BRAF: variants seen among roughly 807,000 people sequenced by gnomAD.
BRAF encodes the protein B-Raf proto-oncogene, serine/threonine kinase.
A neutral mutation model predicts 104.6 loss-of-function variants in BRAF; 16 were observed. That is an observed-to-expected ratio of 0.15 (90% CI 0.10 to 0.23). The LOEUF (loss-of-function observed/expected upper bound fraction) is 0.23. Among genes scored for constraint, BRAF ranks in the 10% least tolerant of loss-of-function variants. BRAF has a pLI of 1.00. For missense variants in BRAF, 541 were observed against 937.3 expected (o/e 0.58, Z 5.52); for synonymous variants, 310 against 341.6 (o/e 0.91, Z 1.02).
chr7:140,815,246 T>A (rs1377815349), intron 3 of BRAF, among the ~76,000 whole-genome samples: 2 of 151,786 alleles, frequency 1.3e-5, no homozygotes, highest in Non-Finnish European at 2.9e-5. Flanking sequence ...CACGCCATTC[T>A]CCTGCCTCAG....
chr7:140,740,943 C>A (rs1796867314), intron 17 of BRAF: 1 of 152,160 alleles, frequency 6.6e-6, no homozygotes. Context: ...ACTGAAGCTA[C>A]ACCATCATAA....
chr7:140,794,615 G>T, intron 7 of BRAF, 148 bp from the exon 8 acceptor site: 1 of 991,054 alleles, frequency 1.0e-6, no homozygotes, highest in Non-Finnish European at 1.5e-6. Flanking sequence ...ACTTTTAAAA[G>T]TATTAATTTA....
At chr7:140,857,220 A>T (rs546758764) in intron 1 of BRAF, among the ~76,000 whole-genome samples, 8 of 152,358 alleles carry the variant, frequency 5.3e-5, no homozygotes, top group African/African-American at 1.9e-4. Context: ...CTCAGCAGAG[A>T]AAGATCTGAA....
intron 1 of BRAF, among the ~76,000 whole-genome samples, chr7:140,893,307 T>C (rs1814485591): frequency 6.6e-6 from 1 of 151,522 alleles, no homozygotes; most frequent in Non-Finnish European, 1.5e-5. Flanking sequence ...TGGAGTGCAG[T>C]GGCGCGATCT....
chr7:140,734,019 A>G (rs1345895436), intron 19 of BRAF: 2 of 1,037,346 alleles, frequency 1.9e-6, no homozygotes, highest in Admixed American at 1.1e-4. Flanking sequence ...AAATTTATAA[A>G]AAGAAACTTA....
At chr7:140,896,687 G>C (rs1814942908) in intron 1 of BRAF, among the ~76,000 whole-genome samples, 1 of 152,080 alleles carries the variant, frequency 6.6e-6, no homozygotes, top group Non-Finnish European at 1.5e-5. Flanking sequence ...CCAATATGGT[G>C]AAACTCCGTC....
At chr7:140,857,602 A>G (rs1326467060) in intron 1 of BRAF, among the ~76,000 whole-genome samples, 1 of 152,210 alleles carries the variant, frequency 6.6e-6, no homozygotes, top group Non-Finnish European at 1.5e-5. Flanking sequence ...TTAGGTCTTA[A>G]CAAAATAAGC....
At chr7:140,754,013 A>T in intron 15 of BRAF, 174 bp downstream of exon 14, 1 of 674,016 alleles carries the variant, frequency 1.5e-6, no homozygotes, top group Middle Eastern at 3.4e-4. Flanking sequence ...CGAGAAACCA[A>T]AAGCAGGCTG....
intron 3 of BRAF, among the ~76,000 whole-genome samples, chr7:140,827,863 C>CAATA (rs1423929753): frequency 2.6e-5 from 4 of 152,138 alleles, no homozygotes; most frequent in Non-Finnish European, 5.9e-5. Context: ...TGTTGTGTTC[C>CAATA]AATAACATTT....
At chr7:140,814,823 T>C (rs1043454838) in intron 3 of BRAF, among the ~76,000 whole-genome samples, 1 of 146,168 alleles carries the variant, frequency 6.8e-6, no homozygotes, top group Non-Finnish European at 1.5e-5. Flanking sequence ...ATATATAATT[T>C]ATATATATTA....
At chr7:140,841,265 C>G (rs945634451) in intron 2 of BRAF, among the ~76,000 whole-genome samples, 6 of 152,088 alleles carry the variant, frequency 3.9e-5, no homozygotes, top group Non-Finnish European at 5.9e-5. Context: ...TGGAGAGAAA[C>G]TGTAACCCTC....
Position 140,903,369 on chromosome 7 carries a change from C to G in BRAF, c.138+21197G>C, listed in dbSNP as rs377498385. ...GTGCTCTGTAAATGGAACAATGAAG[C>G]CTGGATGACAGCATATTCTTTTACA... On this transcript the variant is annotated intron_variant, in intron 1 of 19. Coordinates refer to ENST00000644969, the MANE Select transcript of BRAF (RefSeq NM_001374258.1). Among the ~76,000 whole-genome samples, 246 of 152,244 alleles carry G rather than the reference C, an allele frequency of 1.6e-3. 7 individuals are homozygous for G. The South Asian group carries it at 0.04, about 25-fold the overall frequency.
intron 17 of BRAF, among the ~76,000 whole-genome samples, chr7:140,742,112 T>C (rs749758996): frequency 2.6e-5 from 4 of 152,204 alleles, no homozygotes; most frequent in Non-Finnish European, 5.9e-5. Flanking sequence ...CATAGGTCTA[T>C]AGTCTTTAAA....
intron 17 of BRAF, chr7:140,748,963 A>T: frequency 3.6e-6 from 1 of 278,946 alleles, no homozygotes; most frequent in Non-Finnish European, 6.9e-6. Context: ...TGATACAGTG[A>T]AAAGTATAAT....
chr7:140,862,152 T>C (rs1252942827), intron 1 of BRAF, among the ~76,000 whole-genome samples: 1 of 152,028 alleles, frequency 6.6e-6, no homozygotes, highest in Non-Finnish European at 1.5e-5. Flanking sequence ...GAATATCCAA[T>C]GGGAGGAAAG....
chr7:140,762,132 C>T (rs957144550), intron 14 of BRAF, among the ~76,000 whole-genome samples: 1 of 152,120 alleles, frequency 6.6e-6, no homozygotes, highest in South Asian at 2.1e-4. Flanking sequence ...TGACCACATA[C>T]TTGGAAGTAA....
intron 3 of BRAF, among the ~76,000 whole-genome samples, chr7:140,822,177 A>G (rs999945490): frequency 1.3e-5 from 2 of 152,178 alleles, no homozygotes; most frequent in South Asian, 4.1e-4. Context: ...TGAAAAAAAA[A>G]TTTTAATAAT....
At chr7:140,833,965 A>C (rs1807057673) in intron 3 of BRAF, 1 of 152,164 alleles carries the variant, frequency 6.6e-6, no homozygotes, top group African/African-American at 2.4e-5. Flanking sequence ...AAAAATTTTG[A>C]CTTCAGTTGT....
chr7:140,826,709 C>T (rs1380815625), intron 3 of BRAF, among the ~76,000 whole-genome samples: 1 of 152,140 alleles, frequency 6.6e-6, no homozygotes, highest in Admixed American at 6.5e-5. Context: ...CGTGGGTTTG[C>T]GGGGGAAGTT....
Sources: gnomAD v4.1 joint callset for allele counts (sites outside exome capture counted in the v4.1 genomes callset) on GRCh38, gnomAD v4.1.1 for gene constraint, MANE v1.5 for transcripts, NCBI Gene and HGNC (gene_info 2026-07-23, HGNC 2026-07-21) for gene names.